The following IGDCC3 variants were observed in gnomAD, a reference collection of about 807,000 sequenced individuals.
IGDCC3 encodes the protein immunoglobulin superfamily DCC subclass member 3.
A neutral mutation model predicts 72.0 loss-of-function variants in IGDCC3; 47 were observed. The observed-to-expected ratio is 0.65, with a 90% confidence interval of 0.52 to 0.83. The LOEUF (loss-of-function observed/expected upper bound fraction) is 0.83. IGDCC3 is among the 40% of genes least tolerant of loss of function. The pLI, the probability that IGDCC3 is intolerant of heterozygous loss-of-function variation, is 0.00. For synonymous variants in IGDCC3, 477 were observed against 472.8 expected, an observed-to-expected ratio of 1.01 and a Z score of -0.11; for missense variants, 1,038 against 1,091.3, an observed-to-expected ratio of 0.95 and a Z score of 0.69.
At chr15:65,351,815 A>G (rs551314903) in intron 2 of IGDCC3, among the ~76,000 whole-genome samples, 21 of 152,336 alleles carry the variant, frequency 1.4e-4, no homozygotes, top group Non-Finnish European at 2.2e-4. Context: ...GTTATTAATA[A>G]TTATAATTGT....
chr15:65,370,083 C>G (rs562292472), intron 2 of IGDCC3, among the ~76,000 whole-genome samples: 37 of 152,240 alleles, frequency 2.4e-4, no homozygotes, highest in South Asian at 1.2e-3. Flanking sequence ...GACTTTCTCT[C>G]CTCTCCCCAT....
intron 2 of IGDCC3, among the ~76,000 whole-genome samples, chr15:65,337,830 T>G (rs1268756148): frequency 6.6e-6 from 1 of 152,106 alleles, no homozygotes; most frequent in Non-Finnish European, 1.5e-5. Flanking sequence ...AGCCTCCTCT[T>G]CACTCCAGCT....
In IGDCC3 at chr15:65,377,554, T is replaced by TC. The variant is rs1235199394; in HGVS notation, c.103+131dup. On this transcript the variant is annotated intron_variant, in intron 1 of 13. Coordinates refer to ENST00000327987, the MANE Select transcript of IGDCC3 (RefSeq NM_004884.4). This position sits in a 1 kb window ranked among gnomAD's most constrained non-coding sequence, Gnocchi z 4.9. ...CCTCTCCCCGTCCGGATCCGCAGGG[T>TC]CCCCCCCGCGCGGGGTCCGCCCTCA... is the stretch of plus-strand genomic sequence containing the variant. The TC allele has an allele frequency of 2.4e-5, 22 of 918,058 alleles. No individual in the cohort carries two copies. Among genetic ancestry groups the TC allele is most frequent in the South Asian group, 2.2e-4 (6 of 27,260 alleles). The allele number at this position is 918,058 out of a possible 1,614,324, so 56.9% of individuals were successfully genotyped here.
intron 2 of IGDCC3, among the ~76,000 whole-genome samples, chr15:65,356,859 T>TTTTTTTTTTTTTTTTTC (rs2091226034): frequency 7.3e-6 from 1 of 136,500 alleles, no homozygotes; most frequent in African/African-American, 2.9e-5. Context: ...TTTTTTTTTT[T>TTTTTTTTTTTTTTTTTC]TTTTTTTTGA....
rs1406558673 is a variant in IGDCC3, at chr15:65,331,434, G to C, written c.1374C>G (p.Val458=). ...LANTKEIIGY[V]LHIRKAADPP... ...CACCAGCAGCCTTCCTGATGTGCAGGACGTAGCCGATGATCTCCTTGGTGT... is the reference window on the plus strand; with the variant it reads ...CACCAGCAGCCTTCCTGATGTGCAGCACGTAGCCGATGATCTCCTTGGTGT... The change falls in exon 8 of 14, where the codon GTC becomes GTG. Residue 458 remains valine (V), a synonymous_variant. Coordinates refer to ENST00000327987, the MANE Select transcript of IGDCC3 (RefSeq NM_004884.4). 4 of 1,610,170 alleles carry C rather than the reference G, an allele frequency of 2.5e-6. No individual in the cohort carries two copies. The highest frequency in any genetic ancestry group is 3.4e-6 in the Non-Finnish European group (4 of 1,177,886).
chr15:65,368,147 C>G (rs937335945), intron 2 of IGDCC3, among the ~76,000 whole-genome samples: 2 of 116,606 alleles, frequency 1.7e-5, no homozygotes, highest in Admixed American at 1.0e-4. Flanking sequence ...GTGGAAAACT[C>G]TCTCTCTTTC....
At chr15:65,361,462 A>G (rs2140164502) in intron 2 of IGDCC3, among the ~76,000 whole-genome samples, 1 of 151,482 alleles carries the variant, frequency 6.6e-6, no homozygotes, top group South Asian at 2.1e-4. Context: ...AAAAAAAAAA[A>G]GAAAAGAAAT....
chr15:65,331,531 G>A lies in IGDCC3; in HGVS notation c.1277C>T (p.Pro426Leu). 6.2e-7 allele frequency: 1 copy of A among 1,613,796 alleles called. No individual in the cohort carries two copies. The highest frequency in any genetic ancestry group is 8.5e-7 in the Non-Finnish European group (1 of 1,179,938). ...AGAGACTGCCCGCACATTGCGGGGA[G>A]GCCCGGGGAGCCCCTCAGCCCACAG... ...TVLWAEGLPG[P>L]PRNVRAVSVS... The change falls in exon 8 of 14, where the codon CCT becomes CTT. Residue 426 changes from proline to leucine, a missense_variant. Transcript: ENST00000327987.
chr15:65,332,157 G>C, intron 6 of IGDCC3, 51 bp from the exon 7 acceptor site: 1 of 1,575,062 alleles, frequency 6.3e-7, no homozygotes, highest in Non-Finnish European at 8.6e-7. Context: ...AGCTGTGAGT[G>C]ACGGCATGAG....
chr15:65,334,403 G>T (rs1157102162), intron 5 of IGDCC3, among the ~76,000 whole-genome samples: 1 of 152,050 alleles, frequency 6.6e-6, no homozygotes, highest in Non-Finnish European at 1.5e-5. Flanking sequence ...AGCAGGAGGG[G>T]ACAGATTCTG....
intron 2 of IGDCC3, among the ~76,000 whole-genome samples, chr15:65,342,728 T>C (rs899730344): frequency 2.6e-5 from 4 of 152,192 alleles, no homozygotes; most frequent in Non-Finnish European, 5.9e-5. Flanking sequence ...CAGAGACTGA[T>C]GACGAGGCCC....
chr15:65,329,068 CCCCT>C lies in IGDCC3; in HGVS notation c.2282_2285del (p.Glu761GlyfsTer146). 1 of 1,611,714 alleles carries C rather than the reference CCCCT, an allele frequency of 6.2e-7. No individual in the cohort carries two copies. Among genetic ancestry groups the C allele is most frequent in the Non-Finnish European group, 8.5e-7 (1 of 1,179,130 alleles). ...CTGTGGTCTTCGCCTCCGTCGTCTT[CCCCT>C]CCATCAGGCCGCACCCCTGAAGTGG... On this transcript the variant is annotated frameshift_variant, in exon 14 of 14. Transcript: ENST00000327987. LOFTEE classifies it low-confidence loss of function (END_TRUNC). This position sits in a 1 kb window ranked among gnomAD's most constrained non-coding sequence, Gnocchi z 4.1.
At chr15:65,340,457 C>T (rs1326665148) in intron 2 of IGDCC3, among the ~76,000 whole-genome samples, 2 of 152,198 alleles carry the variant, frequency 1.3e-5, no homozygotes, top group Non-Finnish European at 2.9e-5. Flanking sequence ...GGCCCTGGGG[C>T]TCTGAGGTGC....
chr15:65,330,943 G>A, intron 9 of IGDCC3, 107 bp downstream of exon 9: 1 of 1,350,848 alleles, frequency 7.4e-7, no homozygotes, highest in East Asian at 2.3e-5. Flanking sequence ...ACAGCCTCAG[G>A]GCCGGGCACC....
At chr15:65,368,859 G>A (rs1231957272) in intron 2 of IGDCC3, among the ~76,000 whole-genome samples, 1 of 152,126 alleles carries the variant, frequency 6.6e-6, no homozygotes, top group African/African-American at 2.4e-5. Context: ...GGGGTGGGGT[G>A]GGGAGCAAAA....
At chr15:65,332,912 T>C (rs961682738) in intron 6 of IGDCC3, among the ~76,000 whole-genome samples, 2 of 151,976 alleles carry the variant, frequency 1.3e-5, no homozygotes, top group African/African-American at 4.8e-5. Context: ...ATGCCACACG[T>C]GTGAATGAAA....
intron 1 of IGDCC3, among the ~76,000 whole-genome samples, chr15:65,376,497 G>A (rs2091359514): frequency 6.6e-6 from 1 of 152,222 alleles, no homozygotes; most frequent in Non-Finnish European, 1.5e-5. Context: ...CCTGGAGCTG[G>A]CCCCTCCCCA....
chr15:65,364,724 T>C (rs2091280219), intron 2 of IGDCC3, among the ~76,000 whole-genome samples: 1 of 147,430 alleles, frequency 6.8e-6, no homozygotes, highest in Non-Finnish European at 1.5e-5. Context: ...TCTACCAAAA[T>C]ACAAAAATTA....
At chr15:65,344,534 G>A (rs1156583497) in intron 2 of IGDCC3, among the ~76,000 whole-genome samples, 1 of 152,190 alleles carries the variant, frequency 6.6e-6, no homozygotes, top group East Asian at 1.9e-4. Context: ...GGGAGAGGTG[G>A]GGGGCAGTGG....
Sources: allele counts gnomAD v4.1 joint callset (sites outside exome capture counted in the v4.1 genomes callset), GRCh38; gene constraint gnomAD v4.1.1; non-coding constraint Gnocchi (gnomAD v3.1); transcripts MANE v1.5; gene names NCBI Gene and HGNC (gene_info 2026-07-23, HGNC 2026-07-21).